RAB11FIP1: variants seen among roughly 807,000 people sequenced by gnomAD.
RAB11FIP1 encodes the protein rab11 family-interacting protein 1.
A neutral mutation model predicts 83.1 loss-of-function variants in RAB11FIP1; 49 were observed. That is an observed-to-expected ratio of 0.59 (90% CI 0.47 to 0.75). RAB11FIP1 has a LOEUF of 0.75. Among genes scored for constraint, RAB11FIP1 ranks in the 30% least tolerant of loss-of-function variants. The probability of loss-of-function intolerance (pLI) is 0.00; values close to 1 mark genes in which losing one functional copy is unlikely to be tolerated. For synonymous variants in RAB11FIP1, 670 were observed against 656.0 expected, an observed-to-expected ratio of 1.02 and a Z score of -0.33; for missense variants, 1,536 against 1,598.7, an observed-to-expected ratio of 0.96 and a Z score of 0.67.
In RAB11FIP1 at chr8:37,875,164, A is replaced by G; in HGVS notation, c.973T>C (p.Tyr325His). 1.9e-6 allele frequency: 3 copies of G among 1,614,124 alleles called. No homozygotes were observed. The highest frequency in any genetic ancestry group is 2.5e-6 in the Non-Finnish European group (3 of 1,180,000). Reference protein sequence around the residue: ...SNVCINGNHVYLEQPEAKGEI... With the variant: ...SNVCINGNHVHLEQPEAKGEI... Reference sequence around the variant, plus strand: ...CCCTTGGCTTCTGGCTGCTCCAGGTAAACATGGTTCCCATTGATGCAGACA... The same window carrying G: ...CCCTTGGCTTCTGGCTGCTCCAGGTGAACATGGTTCCCATTGATGCAGACA... Residue 325 changes from tyrosine to histidine, a missense_variant, in exon 3 of 6, where the codon TAC becomes CAC. Physicochemically the swap from Tyr to His is moderately conservative, Grantham distance 83. Coordinates refer to ENST00000330843, the MANE Select transcript of RAB11FIP1 (RefSeq NM_001002814.3).
chr8:37,883,293 G>T (rs1415516901), intron 1 of RAB11FIP1, among the ~76,000 whole-genome samples: 1 of 151,958 alleles, frequency 6.6e-6, no homozygotes, highest in East Asian at 1.9e-4. Flanking sequence ...CCTCCTCCTG[G>T]GTTCAACCGA....
At chr8:37,867,064 G>A (rs1232223880) in intron 5 of RAB11FIP1, among the ~76,000 whole-genome samples, 1 of 152,182 alleles carries the variant, frequency 6.6e-6, no homozygotes, top group Admixed American at 6.5e-5. Flanking sequence ...GAAATAAAAT[G>A]GGAGCCAAAG....
chr8:37,872,007 C>T lies in RAB11FIP1; in HGVS notation c.2795G>A (p.Gly932Asp), dbSNP rs375920711. 35 of 1,614,146 alleles carry T rather than the reference C, an allele frequency of 2.2e-5. No homozygotes were observed. The highest frequency in any genetic ancestry group is 3.0e-5 in the Non-Finnish European group (35 of 1,180,030). The change falls in exon 4 of 6, where the codon GGT (glycine) becomes GAT (aspartate). Residue 932 changes from glycine to aspartate, a missense_variant. By Grantham distance (94) the Gly-to-Asp change is moderately conservative. Coordinates refer to ENST00000330843, the MANE Select transcript of RAB11FIP1 (RefSeq NM_001002814.3). The part of the protein sequence containing the change: ...QYQSKASDHE[G>D]LLSDPLSDLQ... The stretch of plus-strand genomic sequence containing the variant: ...GTCACTCAAGGGGTCAGACAATAAA[C>T]CTTCGTGGTCACTGGCTTTGCTCTG...
chr8:37,879,816 G>A (rs953354459), intron 1 of RAB11FIP1, among the ~76,000 whole-genome samples: 1 of 152,118 alleles, frequency 6.6e-6, no homozygotes, highest in Non-Finnish European at 1.5e-5. Context: ...CCGGGAGAGG[G>A]AGGTTGTAGT....
chr8:37,896,279 C>T (rs1012322500), intron 1 of RAB11FIP1, among the ~76,000 whole-genome samples: 4 of 151,754 alleles, frequency 2.6e-5, no homozygotes, highest in African/African-American at 9.7e-5. Context: ...CATTGCACTC[C>T]AGCCTGGGGG....
Position 37,871,646 on chromosome 8 carries a change from G to A in RAB11FIP1, c.3156C>T (p.His1052=). ...TTGAGCTCTTGCCAAGATGTGGTTT[G>A]TGAATTCCGAACTCTGTGGTCTGCT... is the stretch of plus-strand genomic sequence containing the variant. ...PSEQTTEFGI[H]KPHLGKSSSL... The change falls in exon 4 of 6, where the codon CAC becomes CAT. Residue 1052 remains histidine (H), a synonymous_variant. Transcript: ENST00000330843. 1 of 1,611,524 alleles carries A rather than the reference G, an allele frequency of 6.2e-7. No homozygotes were observed. The highest frequency in any genetic ancestry group is 8.5e-7 in the Non-Finnish European group (1 of 1,178,076).
chr8:37,872,351 C>T lies in RAB11FIP1; in HGVS notation c.2451G>A (p.Thr817=), dbSNP rs199793763. 1.5e-4 allele frequency: 239 copies of T among 1,614,166 alleles called. No homozygotes were observed. The East Asian group carries it at 4.3e-3, about 29-fold the overall frequency. The part of the protein sequence containing the change: ...KRVSFSEQLF[T]EEAVAGAALL... The stretch of plus-strand genomic sequence containing the variant: ...AGGCAGCCCCCGCCACTGCCTCTTC[C>T]GTGAAGAGCTGCTCAGAAAATGACA... The change falls in exon 4 of 6, where the codon ACG becomes ACA. Residue 817 remains threonine, a synonymous_variant. Transcript: ENST00000330843.
At chr8:37,868,272 A>C (rs1806381964) in intron 5 of RAB11FIP1, among the ~76,000 whole-genome samples, 1 of 152,066 alleles carries the variant, frequency 6.6e-6, no homozygotes, top group Admixed American at 6.6e-5. Flanking sequence ...AAATATAAAA[A>C]TTAGCTAGGC....
At chr8:37,875,836 A>G (rs1161570918) in intron 2 of RAB11FIP1, among the ~76,000 whole-genome samples, 1 of 152,160 alleles carries the variant, frequency 6.6e-6, no homozygotes, top group Non-Finnish European at 1.5e-5. Context: ...AACTTGGAAG[A>G]CACTCATTCT....
chr8:37,892,250 G>T (rs1274674003), intron 1 of RAB11FIP1, among the ~76,000 whole-genome samples: 1 of 151,862 alleles, frequency 6.6e-6, no homozygotes, highest in Non-Finnish European at 1.5e-5. Context: ...TCCACAGGTG[G>T]CTTGGACATC....
At chr8:37,887,586 G>T (rs943219928) in intron 1 of RAB11FIP1, among the ~76,000 whole-genome samples, 10 of 150,166 alleles carry the variant, frequency 6.7e-5, no homozygotes, top group Non-Finnish European at 1.3e-4. Context: ...TCTGACCATT[G>T]CCTTTTTATA....
intron 1 of RAB11FIP1, among the ~76,000 whole-genome samples, chr8:37,885,330 G>A (rs1159018214): frequency 1.3e-5 from 2 of 152,078 alleles, no homozygotes; most frequent in African/African-American, 4.8e-5. Context: ...CAGGCATTGG[G>A]TAAAAATTCA....
intron 1 of RAB11FIP1, among the ~76,000 whole-genome samples, chr8:37,896,348 T>C (rs1807091144): frequency 6.6e-6 from 1 of 152,054 alleles, no homozygotes; most frequent in Non-Finnish European, 1.5e-5. Flanking sequence ...GCATATCTTA[T>C]TCTTTAAATC....
chr8:37,864,130 C>A (rs1225603827), intron 5 of RAB11FIP1, among the ~76,000 whole-genome samples: 1 of 152,260 alleles, frequency 6.6e-6, no homozygotes, highest in Non-Finnish European at 1.5e-5. Context: ...CATGCCCCGT[C>A]CTCACCCGTG....
chr8:37,864,959 C>T (rs1806313966), intron 5 of RAB11FIP1, among the ~76,000 whole-genome samples: 1 of 147,882 alleles, frequency 6.8e-6, no homozygotes, highest in Non-Finnish European at 1.5e-5. Flanking sequence ...CCCATAGAGA[C>T]GGGATCTCTC....
rs529940731 is a variant in RAB11FIP1 at position 37,880,762 on chromosome 8, C to T, written c.372-3211G>A. ...CTGCGCAACAGAGTGAGACCCTATC[C>T]CTTTCAAAAAAAAAAAAAAAAAATG... On this transcript the variant is annotated intron_variant, in intron 1 of 5. Transcript: ENST00000330843. Among the ~76,000 whole-genome samples the T allele has an allele frequency of 2.7e-5, 4 of 146,952 alleles. No homozygotes were observed. The South Asian group carries it at 8.5e-4, about 31-fold the overall frequency.
rs779391268 is a variant in RAB11FIP1 at position 37,875,139 on chromosome 8, C to T, written c.998G>A (p.Gly333Asp). ...HVYLEQPEAK[G>D]EIKDSSPSSS... The stretch of plus-strand genomic sequence containing the variant: ...GGACGGGCTGCTATCCTTGATCTCA[C>T]CCTTGGCTTCTGGCTGCTCCAGGTA... Residue 333 changes from glycine (G) to aspartate (D), a missense_variant, in exon 3 of 6, where the codon GGT becomes GAT. Physicochemically the swap from Gly to Asp is moderately conservative, Grantham distance 94. Transcript: ENST00000330843. The T allele has an allele frequency of 8.7e-6, 14 of 1,614,110 alleles. No homozygotes were observed. The highest frequency in any genetic ancestry group is 1.2e-5 in the Non-Finnish European group (14 of 1,180,002).
rs1222214990 is a variant in RAB11FIP1, at chr8:37,862,631, A to T, written c.*264T>A. 2 of 363,958 alleles carry T rather than the reference A, an allele frequency of 5.5e-6. No individual in the cohort carries two copies. The highest frequency in any genetic ancestry group is 5.1e-6 in the Non-Finnish European group (1 of 196,542). The allele number at this position is 363,958 out of a possible 1,614,324, so 22.5% of individuals were successfully genotyped here. A position where few individuals can be genotyped will look rare whatever the true frequency, so the allele number is the denominator to read the frequency against. ...TGGCTCAGGATCAGATCTTATGACC[A>T]CATCTCTGGTGGGCATAAAATATTT... On this transcript the variant is annotated 3_prime_UTR_variant, in exon 6 of 6. Coordinates refer to ENST00000330843, the MANE Select transcript of RAB11FIP1 (RefSeq NM_001002814.3).
At position 37,893,998 on chromosome 8, in the gene RAB11FIP1, T is replaced by A. The variant is rs181384420; in HGVS notation, c.371+5073A>T. Among the ~76,000 whole-genome samples, 45 of 152,352 alleles carry A rather than the reference T, an allele frequency of 3.0e-4. No individual in the cohort carries two copies. In the East Asian group the frequency reaches 5.2e-3, roughly 18 times the overall value. ...TCCTCTGTTATAAGCAGTTTAGGGT[T>A]GTTTATTCTAGAACCTACAGAGAAT... is the stretch of plus-strand genomic sequence containing the variant. On this transcript the variant is annotated intron_variant, in intron 1 of 5. Coordinates refer to ENST00000330843, the MANE Select transcript of RAB11FIP1 (RefSeq NM_001002814.3).
Sources: allele counts gnomAD v4.1 joint callset (sites outside exome capture counted in the v4.1 genomes callset), GRCh38; gene constraint gnomAD v4.1.1; transcripts MANE v1.5; gene names NCBI Gene and HGNC (gene_info 2026-07-23, HGNC 2026-07-21).